The following SLC39A11 variants were observed in gnomAD, a reference collection of about 807,000 sequenced individuals.
SLC39A11 encodes the protein solute carrier family 39 member 11.
In SLC39A11, 33 loss-of-function variants were observed where a neutral mutation model predicts 36.1. That is an observed-to-expected ratio of 0.91 (90% CI 0.69 to 1.22). SLC39A11 has a LOEUF of 1.22. SLC39A11 is among the 50% of genes most tolerant of loss of function. The pLI is 0.00. For synonymous variants in SLC39A11, 166 were observed against 170.3 expected (o/e 0.97, Z 0.20); for missense variants, 432 against 430.3 (o/e 1.00, Z -0.03).
intron 4 of SLC39A11, among the ~76,000 whole-genome samples, chr17:72,979,831 T>C (rs538900959): frequency 6.6e-6 from 1 of 152,290 alleles, no homozygotes; most frequent in African/African-American, 2.4e-5. Context: ...CCAAGGTAGA[T>C]GGAGGCAAAG....
intron 7 of SLC39A11, among the ~76,000 whole-genome samples, chr17:72,728,056 G>C (rs1162443047): frequency 6.6e-6 from 1 of 152,180 alleles, no homozygotes; most frequent in African/African-American, 2.4e-5. Context: ...CAAGCAAGAG[G>C]TCATAAAAAA....
chr17:72,666,846 C>G (rs921695414), intron 7 of SLC39A11, among the ~76,000 whole-genome samples: 7 of 152,182 alleles, frequency 4.6e-5, no homozygotes, highest in Admixed American at 4.6e-4. Context: ...GTTTGACAAC[C>G]AGCTTGGGAT....
chr17:72,908,824 C>T (rs146604407), intron 5 of SLC39A11, among the ~76,000 whole-genome samples: 171 of 152,314 alleles, frequency 1.1e-3, no homozygotes, highest in African/African-American at 3.8e-3. Context: ...CCCACGCTGA[C>T]GCATGACTGT....
chr17:72,704,224 ATCT>A (rs2072784088), intron 7 of SLC39A11, among the ~76,000 whole-genome samples: 1 of 152,234 alleles, frequency 6.6e-6, no homozygotes, highest in Non-Finnish European at 1.5e-5. Flanking sequence ...AGTTCATGTA[ATCT>A]TCTTATGGGA....
intron 3 of SLC39A11, among the ~76,000 whole-genome samples, chr17:73,044,794 T>C (rs144868021): frequency 4.6e-4 from 70 of 151,402 alleles, no homozygotes; most frequent in African/African-American, 1.6e-3. Context: ...GGAGAATCAC[T>C]TGAACCTGGG....
intron 7 of SLC39A11, among the ~76,000 whole-genome samples, chr17:72,650,213 C>T (rs1298062812): frequency 6.6e-6 from 1 of 152,206 alleles, no homozygotes. Flanking sequence ...CACAGTGATC[C>T]TCTCACCTCC....
intron 6 of SLC39A11, among the ~76,000 whole-genome samples, chr17:72,773,344 C>A (rs534774526): frequency 1.3e-5 from 2 of 152,094 alleles, no homozygotes; most frequent in African/African-American, 4.8e-5. Context: ...GTTGTGGGAG[C>A]GACCTGGTGG....
At chr17:72,855,868 G>A (rs908334713) in intron 5 of SLC39A11, among the ~76,000 whole-genome samples, 50 of 151,882 alleles carry the variant, frequency 3.3e-4, no homozygotes, top group Non-Finnish European at 6.5e-4. Context: ...CTGCACTCCA[G>A]CCTGGGCGAC....
intron 4 of SLC39A11, among the ~76,000 whole-genome samples, chr17:73,009,858 G>T (rs928673540): frequency 1.3e-5 from 2 of 151,892 alleles, no homozygotes; most frequent in African/African-American, 4.8e-5. Flanking sequence ...ATTTACATTA[G>T]GTGTAGCTCC....
chr17:72,652,177 G>GT (rs2069883115), intron 7 of SLC39A11, among the ~76,000 whole-genome samples: 1 of 152,212 alleles, frequency 6.6e-6, no homozygotes, highest in Admixed American at 6.5e-5. Context: ...ACACAAATGA[G>GT]TGGGGGGCCA....
At chr17:73,042,537 A>G (rs375958146) in intron 3 of SLC39A11, among the ~76,000 whole-genome samples, 5 of 152,196 alleles carry the variant, frequency 3.3e-5, no homozygotes, top group Admixed American at 2.0e-4. Context: ...ATGGTAGCTC[A>G]CGCCTGTAAT....
intron 4 of SLC39A11, among the ~76,000 whole-genome samples, chr17:72,960,110 A>C (rs2086512990): frequency 6.6e-6 from 1 of 152,242 alleles, no homozygotes; most frequent in South Asian, 2.1e-4. Flanking sequence ...TTTAGGGGAC[A>C]GTGTTTAATG....
At chr17:72,655,252 C>T (rs566990645) in intron 7 of SLC39A11, among the ~76,000 whole-genome samples, 21 of 152,372 alleles carry the variant, frequency 1.4e-4, no homozygotes, top group African/African-American at 4.8e-4. Context: ...CATCCAAGTT[C>T]CCTCGCCCCG....
At chr17:72,724,676 T>C (rs1027165969) in intron 7 of SLC39A11, among the ~76,000 whole-genome samples, 18 of 152,048 alleles carry the variant, frequency 1.2e-4, no homozygotes, top group Non-Finnish European at 2.2e-4. Context: ...TCTTCACTTA[T>C]AACATTAGAG....
chr17:73,025,057 T>C (rs1369303867), intron 4 of SLC39A11, among the ~76,000 whole-genome samples: 1 of 152,050 alleles, frequency 6.6e-6, no homozygotes. Context: ...ACACTGTTCA[T>C]TTAAGCTTCA....
At chr17:72,882,673 G>C (rs1464330014) in intron 5 of SLC39A11, among the ~76,000 whole-genome samples, 1 of 152,100 alleles carries the variant, frequency 6.6e-6, no homozygotes, top group Non-Finnish European at 1.5e-5. Context: ...TAACCTAGTA[G>C]TCTTGAGTTT....
intron 6 of SLC39A11, among the ~76,000 whole-genome samples, chr17:72,829,336 C>T (rs1348147942): frequency 3.4e-5 from 5 of 145,566 alleles, no homozygotes; most frequent in Admixed American, 2.7e-4. Flanking sequence ...GGAGACAGAG[C>T]GAGCCTCTGT....
chr17:72,930,799 T>G (rs568918861), intron 5 of SLC39A11, among the ~76,000 whole-genome samples: 1 of 152,312 alleles, frequency 6.6e-6, no homozygotes, highest in African/African-American at 2.4e-5. Flanking sequence ...TATTTAGCAC[T>G]GTAGGCTAAT....
chr17:73,092,442 A>G (rs1190745275), intron 1 of SLC39A11, 169 bp downstream of exon 1: 2 of 79,982 alleles, frequency 2.5e-5, no homozygotes, highest in Admixed American at 3.3e-4. Flanking sequence ...CCGCCCCGAC[A>G]CCTGCCAAAG....
Sources: gnomAD v4.1 joint callset for allele counts (sites outside exome capture counted in the v4.1 genomes callset) on GRCh38, gnomAD v4.1.1 for gene constraint, MANE v1.5 for transcripts, NCBI Gene and HGNC (gene_info 2026-07-23, HGNC 2026-07-21) for gene names.